BNC2: variants seen among roughly 807,000 people sequenced by gnomAD.
The protein encoded by BNC2 is basonuclin zinc finger protein 2.
A neutral mutation model predicts 76.3 loss-of-function variants in BNC2; 20 were observed. The observed-to-expected ratio is 0.26, with a 90% confidence interval of 0.18 to 0.38. The LOEUF (loss-of-function observed/expected upper bound fraction) is 0.38. Ranked by LOEUF, BNC2 falls within the 10% of genes least tolerant of loss-of-function variation. BNC2 has a pLI of 1.00. For missense variants in BNC2, 1,382 were observed against 1,399.8 expected (o/e 0.99, Z 0.20); for synonymous variants, 582 against 514.8 (o/e 1.13, Z -1.77).
chr9:16,738,478 A>C lies in BNC2; in HGVS notation c.11T>G (p.Leu4Arg). 1 of 1,614,030 alleles carries C rather than the reference A, an allele frequency of 6.2e-7. No individual in the cohort carries two copies. The highest frequency in any genetic ancestry group is 8.5e-7 in the Non-Finnish European group (1 of 1,179,950). The part of the protein sequence containing the change: MAH[L>R]GPTPPPHSLN... Reference sequence around the variant, plus strand: ...GCTATGTGGAGGTGGGGTGGGCCCAAGGTGTGCCTATTGAGAGATTGGGAA... The same window carrying C: ...GCTATGTGGAGGTGGGGTGGGCCCACGGTGTGCCTATTGAGAGATTGGGAA... Residue 4 changes from leucine (L) to arginine (R), a missense_variant, in exon 2 of 7, where the codon CTT becomes CGT. Around this residue, in one of 3 missense-constraint regions of BNC2, gnomAD observed 557 missense variants for 540.9 expected, o/e 1.03. Transcript: ENST00000380672.
chr9:16,733,831 C>T (rs1824581632), intron 2 of BNC2, among the ~76,000 whole-genome samples: 1 of 151,748 alleles, frequency 6.6e-6, no homozygotes, highest in Non-Finnish European at 1.5e-5. Context: ...TTGCAGTGAG[C>T]CGAGATCACG....
chr9:16,823,441 A>AT (rs1373703055), intron 1 of BNC2, among the ~76,000 whole-genome samples: 2 of 150,886 alleles, frequency 1.3e-5, no homozygotes, highest in Non-Finnish European at 3.0e-5. Context: ...AAAAAAAAAA[A>AT]AAAATTAAAA....
At chr9:16,830,046 T>C (rs1818546282) in intron 1 of BNC2, among the ~76,000 whole-genome samples, 1 of 152,230 alleles carries the variant, frequency 6.6e-6, no homozygotes, top group Admixed American at 6.5e-5. Context: ...TATAAATGCT[T>C]ATATCTGTGA....
chr9:16,454,106 T>A (rs1334877200), intron 5 of BNC2, among the ~76,000 whole-genome samples: 1 of 152,196 alleles, frequency 6.6e-6, no homozygotes, highest in Non-Finnish European at 1.5e-5. Flanking sequence ...TTGAATTCTG[T>A]GATCTGTTCA....
intron 1 of BNC2, among the ~76,000 whole-genome samples, chr9:16,821,951 G>A (rs1255091870): frequency 6.6e-6 from 1 of 152,026 alleles, no homozygotes; most frequent in Non-Finnish European, 1.5e-5. Context: ...AAGTTAGCCA[G>A]GTGCGGTGGC....
intron 1 of BNC2, among the ~76,000 whole-genome samples, chr9:16,821,672 G>T (rs1052193079): frequency 6.6e-6 from 1 of 152,144 alleles, no homozygotes; most frequent in Non-Finnish European, 1.5e-5. Context: ...ACCCAGCAGG[G>T]CGTGGTGGCT....
At chr9:16,440,771 G>A (rs1314216296) in intron 5 of BNC2, among the ~76,000 whole-genome samples, 1 of 152,170 alleles carries the variant, frequency 6.6e-6, no homozygotes, top group Non-Finnish European at 1.5e-5. Context: ...CTTAGTTGCT[G>A]TCTCTGCTAA....
At position 16,824,832 on chromosome 9, in the gene BNC2, G is replaced by A. The variant is rs149710249; in HGVS notation, c.3+45814C>T. Among the ~76,000 whole-genome samples the A allele has an allele frequency of 3.5e-4, 54 of 152,298 alleles. No homozygotes were observed. In the East Asian group the frequency reaches 0.01, roughly 28 times the overall value. On this transcript the variant is annotated intron_variant, in intron 1 of 6. Coordinates refer to ENST00000380672, the MANE Select transcript of BNC2 (RefSeq NM_017637.6). Reference sequence around the variant, plus strand: ...AGAGAACCCAAAGCCACAGATACAAGAGGACTGTTAGCCTGGAGTGCAAAT... The same window carrying A: ...AGAGAACCCAAAGCCACAGATACAAAAGGACTGTTAGCCTGGAGTGCAAAT...
chr9:16,773,890 G>A (rs1266532930), intron 1 of BNC2, among the ~76,000 whole-genome samples: 1 of 152,106 alleles, frequency 6.6e-6, no homozygotes, highest in Non-Finnish European at 1.5e-5. Flanking sequence ...AGTTGCAGAT[G>A]GTATTATCCC....
At chr9:16,846,814 A>G (rs1383754173) in intron 1 of BNC2, among the ~76,000 whole-genome samples, 2 of 152,236 alleles carry the variant, frequency 1.3e-5, no homozygotes, top group Non-Finnish European at 2.9e-5. Flanking sequence ...AATCTTTTGA[A>G]AACTTTGAGT....
chr9:16,726,302 G>A (rs1824316990), intron 3 of BNC2, among the ~76,000 whole-genome samples: 1 of 152,168 alleles, frequency 6.6e-6, no homozygotes, highest in African/African-American at 2.4e-5. Context: ...TGTATCAGCA[G>A]TAATCAGGGT....
chr9:16,560,644 C>T (rs1818982779), intron 4 of BNC2, among the ~76,000 whole-genome samples: 1 of 152,196 alleles, frequency 6.6e-6, no homozygotes, highest in Non-Finnish European at 1.5e-5. Context: ...AGGAGGATCA[C>T]TTGAGCCCAG....
chr9:16,445,325 T>C (rs1410331912), intron 5 of BNC2, among the ~76,000 whole-genome samples: 2 of 152,148 alleles, frequency 1.3e-5, no homozygotes, highest in Admixed American at 6.6e-5. Flanking sequence ...GTAAACAAAA[T>C]TACACCATTC....
Position 16,487,581 on chromosome 9 carries a change from G to C in BNC2, c.670-50057C>G, listed in dbSNP as rs566950579. On this transcript the variant is annotated intron_variant, in intron 5 of 6. Transcript: ENST00000380672. ...TTAATAGTTGAATATTATTTTGTCT[G>C]ACTTATAAAATACCATTCAAATAAG... is the stretch of plus-strand genomic sequence containing the variant. Among the ~76,000 whole-genome samples, 3 of 152,212 alleles carry C rather than the reference G, an allele frequency of 2.0e-5. No individual in the cohort carries two copies. In the East Asian group the frequency reaches 5.8e-4, roughly 29 times the overall value.
At chr9:16,708,452 C>G (rs920812183) in intron 3 of BNC2, among the ~76,000 whole-genome samples, 2 of 152,178 alleles carry the variant, frequency 1.3e-5, no homozygotes, top group Non-Finnish European at 2.9e-5. Flanking sequence ...AATCAACCCC[C>G]TCCTCAACAC....
intron 1 of BNC2, among the ~76,000 whole-genome samples, chr9:16,769,333 T>C (rs887496493): frequency 2.0e-5 from 3 of 152,166 alleles, no homozygotes; most frequent in Non-Finnish European, 4.4e-5. Flanking sequence ...AGGTGTCTAA[T>C]AAATAACAGA....
At chr9:16,450,545 G>A (rs1821319547) in intron 5 of BNC2, among the ~76,000 whole-genome samples, 1 of 152,236 alleles carries the variant, frequency 6.6e-6, no homozygotes, top group Non-Finnish European at 1.5e-5. Flanking sequence ...ACACCAATCT[G>A]AAGGATAGCT....
intron 1 of BNC2, among the ~76,000 whole-genome samples, chr9:16,780,168 G>A (rs1231183360): frequency 1.3e-4 from 18 of 143,780 alleles, no homozygotes; most frequent in Non-Finnish European, 1.8e-4. Context: ...CCTGGGAGGC[G>A]GAGCTTGCAG....
chr9:16,804,639 G>A lies in BNC2; in HGVS notation c.3+66007C>T, dbSNP rs367723013. 3.6e-3 allele frequency among the ~76,000 whole-genome samples: 543 copies of A among 152,298 alleles called. 2 individuals are homozygous for A. Among genetic ancestry groups the A allele is most frequent in the African/African-American group, 0.011 (478 of 41,566 alleles). ...ATTCCTTAAAAACCAACTGGAACAC[G>A]AAGTGGAGTATGATACGCACAGAAT... On this transcript the variant is annotated intron_variant, in intron 1 of 6. Transcript: ENST00000380672.
Sources: gnomAD v4.1 joint callset for allele counts (sites outside exome capture counted in the v4.1 genomes callset) on GRCh38, gnomAD v4.1.1 for gene constraint, gnomAD v4.1.1 regional missense constraint, MANE v1.5 for transcripts, NCBI Gene and HGNC (gene_info 2026-07-23, HGNC 2026-07-21) for gene names.